TNS1: variants seen among roughly 807,000 people sequenced by gnomAD.
TNS1 encodes the protein tensin 1.
A neutral mutation model predicts 168.6 loss-of-function variants in TNS1; 62 were observed. That is an observed-to-expected ratio of 0.37 (90% CI 0.30 to 0.45). The LOEUF is 0.45. TNS1 is among the 20% of genes least tolerant of loss of function. TNS1 has a pLI of 1.00. For synonymous variants in TNS1, 934 were observed against 933.2 expected (o/e 1.00, Z -0.02); for missense variants, 2,240 against 2,339.4 (o/e 0.96, Z 0.88).
chr2:218,013,291 C>G (rs573684189), upstream of TNS1, among the ~76,000 whole-genome samples: 104 of 152,104 alleles, frequency 6.8e-4, no homozygotes, highest in African/African-American at 2.5e-3. Context: ...CATTCAGCAC[C>G]TGGTAGGTGC....
chr2:217,821,640 T>A (rs1426462306), intron 23 of TNS1, 100 bp downstream of exon 23: 2 of 1,214,444 alleles, frequency 1.6e-6, no homozygotes, highest in East Asian at 6.1e-5. Context: ...GCTTTCTGCC[T>A]GTCCACGCCA....
intron 4 of TNS1, among the ~76,000 whole-genome samples, chr2:217,919,568 AAGAGTGCCC>A (rs1189347483): frequency 6.6e-6 from 1 of 152,190 alleles, no homozygotes; most frequent in Non-Finnish European, 1.5e-5. Flanking sequence ...GGCAGGAAGG[AAGAGTGCCC>A]AGTGTGCCAA....
At chr2:217,892,020 T>C (rs535902799) in intron 11 of TNS1, among the ~76,000 whole-genome samples, 1 of 152,380 alleles carries the variant, frequency 6.6e-6, no homozygotes, top group South Asian at 2.1e-4. Context: ...TTAATGCCCA[T>C]GAGGGCAGTG....
At chr2:217,944,504 T>C (rs1957054350) in intron 3 of TNS1, among the ~76,000 whole-genome samples, 2 of 152,272 alleles carry the variant, frequency 1.3e-5, no homozygotes, top group African/African-American at 4.8e-5. Context: ...ATAGCAACTC[T>C]CAGCTTTTCT....
chr2:217,848,690 C>T lies in TNS1; in HGVS notation c.1827G>A (p.Gln609=). The change falls in exon 19 of 33, where the codon CAG becomes CAA. Residue 609 remains glutamine (Q), a synonymous_variant. Coordinates refer to ENST00000682258, the MANE Select transcript of TNS1 (RefSeq NM_001387777.1). The part of the protein sequence containing the change: ...PSSGRHVVPA[Q]VHVNGGALAS... ...CTAACGCCCCACCATTGACATGAAC[C>T]TGGGCTGGGACAACGTGGCGTCCAG... 2 of 1,614,214 alleles carry T rather than the reference C, an allele frequency of 1.2e-6. No homozygotes were observed. The highest frequency in any genetic ancestry group is 8.5e-7 in the Non-Finnish European group (1 of 1,180,018).
intron 19 of TNS1, among the ~76,000 whole-genome samples, chr2:217,842,709 A>G (rs1946144400): frequency 6.6e-6 from 1 of 152,102 alleles, no homozygotes; most frequent in South Asian, 2.1e-4. Context: ...CATTCTTACA[A>G]TCACCTCAAA....
intron 18 of TNS1, among the ~76,000 whole-genome samples, chr2:217,867,425 C>T (rs748697069): frequency 5.3e-5 from 8 of 152,238 alleles, no homozygotes; most frequent in Non-Finnish European, 1.0e-4. Flanking sequence ...AGATTGGAAA[C>T]AGCTTAAATG....
chr2:217,979,018 C>G, intron 2 of TNS1: 1 of 391,642 alleles, frequency 2.6e-6, no homozygotes, highest in South Asian at 3.8e-5. Flanking sequence ...GACCCGCGGC[C>G]GGGGAGGCAG....
At chr2:217,842,499 C>A (rs1365763762) in intron 19 of TNS1, among the ~76,000 whole-genome samples, 1 of 152,122 alleles carries the variant, frequency 6.6e-6, no homozygotes, top group Non-Finnish European at 1.5e-5. Context: ...ATCTTGTTGG[C>A]TCTACCTCCA....
chr2:217,955,645 T>C (rs1957343884), intron 3 of TNS1, among the ~76,000 whole-genome samples: 1 of 152,110 alleles, frequency 6.6e-6, no homozygotes. Context: ...TCCTAAGCAG[T>C]GGGAGGCGGT....
rs750945272 is a variant in TNS1, at chr2:217,848,566, T to C, written c.1951A>G (p.Thr651Ala). Residue 651 changes from threonine (T) to alanine (A), a missense_variant, in exon 19 of 33, where the codon ACC (threonine) becomes GCC (alanine). Coordinates refer to ENST00000682258, the MANE Select transcript of TNS1 (RefSeq NM_001387777.1). Reference sequence around the variant, plus strand: ...GGGTAGCCCCCCTCACTGGTGTTGGTGACCCCGTCCAGAGAAGAGAGTGTG... The same window carrying C: ...GGGTAGCCCCCCTCACTGGTGTTGGCGACCCCGTCCAGAGAAGAGAGTGTG... ...MGTLSSLDGV[T>A]NTSEGGYPEA... The C allele has an allele frequency of 7.4e-6, 12 of 1,614,036 alleles. No individual in the cohort carries two copies. The highest frequency in any genetic ancestry group is 4.0e-5 in the African/African-American group (3 of 74,920).
intron 19 of TNS1, among the ~76,000 whole-genome samples, chr2:217,843,687 T>C (rs1327143480): frequency 6.6e-6 from 1 of 152,192 alleles, no homozygotes; most frequent in Non-Finnish European, 1.5e-5. Context: ...TCTCCTGCCC[T>C]TCCTCCTTGA....
At chr2:218,017,732 T>C (rs1958773991) in intron 1 of TNS1, among the ~76,000 whole-genome samples, 1 of 152,202 alleles carries the variant, frequency 6.6e-6, no homozygotes, top group South Asian at 2.1e-4. Context: ...CATGGAGTAA[T>C]CGTGAGGATT....
chr2:217,825,762 G>A (rs1298489986), intron 22 of TNS1, among the ~76,000 whole-genome samples: 2 of 152,208 alleles, frequency 1.3e-5, no homozygotes, highest in Non-Finnish European at 2.9e-5. Flanking sequence ...CTGGGAGTCT[G>A]ATGGCAAGAT....
At chr2:218,007,191 A>G (rs1258149594), upstream of TNS1, among the ~76,000 whole-genome samples, 2 of 152,108 alleles carry the variant, frequency 1.3e-5, no homozygotes, top group African/African-American at 4.8e-5. Flanking sequence ...AGGAATCTAC[A>G]CCAAAGCACT....
chr2:217,951,004 C>A (rs534572373), intron 3 of TNS1, among the ~76,000 whole-genome samples: 50 of 152,220 alleles, frequency 3.3e-4, no homozygotes, highest in Admixed American at 2.0e-4. Flanking sequence ...TTGGAGAGAG[C>A]TGGAAACTTC....
At chr2:217,849,819 G>C (rs2125447507) in intron 18 of TNS1, 1 of 985,450 alleles carries the variant, frequency 1.0e-6, no homozygotes, top group Non-Finnish European at 1.2e-6. Context: ...AGCAGGGGGA[G>C]AACCCAGGAG....
At chr2:217,890,886 T>G in intron 12 of TNS1, 76 bp downstream of exon 12, 1 of 1,508,060 alleles carries the variant, frequency 6.6e-7, no homozygotes, top group Non-Finnish European at 9.2e-7. Flanking sequence ...CCCATCCCTG[T>G]GAGTACACAA....
chr2:217,902,394 G>A (rs1054000982), intron 6 of TNS1, among the ~76,000 whole-genome samples: 3 of 152,168 alleles, frequency 2.0e-5, no homozygotes, highest in South Asian at 4.1e-4. Flanking sequence ...TAGCCAAGAC[G>A]TGAGGTGTGG....
Sources: allele counts gnomAD v4.1 joint callset (sites outside exome capture counted in the v4.1 genomes callset), GRCh38; gene constraint gnomAD v4.1.1; transcripts MANE v1.5; gene names NCBI Gene and HGNC (gene_info 2026-07-23, HGNC 2026-07-21).